RFTN1: variants seen among roughly 807,000 people sequenced by gnomAD.
RFTN1 encodes the protein raftlin, lipid raft linker 1.
Under a neutral mutation model 46.5 loss-of-function variants are expected in RFTN1, and 26 were observed. That is an observed-to-expected ratio of 0.56 (90% CI 0.41 to 0.78). RFTN1 has a LOEUF of 0.78. RFTN1 is among the 30% of genes least tolerant of loss of function. The pLI is 0.00. For missense variants in RFTN1, 693 were observed against 718.7 expected, an observed-to-expected ratio of 0.96 and a Z score of 0.41; for synonymous variants, 261 against 284.2, an observed-to-expected ratio of 0.92 and a Z score of 0.82.
rs2075179980 is a variant in RFTN1 at position 16,421,350 on chromosome 3, T to G, written c.333-11867A>C. 6.6e-6 allele frequency among the ~76,000 whole-genome samples: 1 copy of G among 151,896 alleles called. No homozygotes were observed. Among genetic ancestry groups the G allele is most frequent in the East Asian group, 1.9e-4 (1 of 5,186 alleles). On this transcript the variant is annotated intron_variant, in intron 3 of 9. Transcript: ENST00000334133. The surrounding 1 kb of genome is among the most constrained non-coding windows in gnomAD (Gnocchi z 4.6). ...CAGGTAGGCATTGGTATTGGTGTTT[T>G]TTTTTTTTCTTTTCTTTTTGAGATG...
At position 16,317,782 on chromosome 3, in the gene RFTN1, TTGC is replaced by T; in HGVS notation, c.1333-553_1333-551del. 6.6e-6 allele frequency among the ~76,000 whole-genome samples: 1 copy of T among 152,082 alleles called. No homozygotes were observed. Among genetic ancestry groups the T allele is most frequent in the East Asian group, 1.9e-4 (1 of 5,196 alleles). ...GCTCCCCAGCTAGGCCGATAGCCCT[TTGC>T]TGACCACCACCTCACAGAAGGGTCA... On this transcript the variant is annotated intron_variant, in intron 9 of 9. Transcript: ENST00000334133. The surrounding 1 kb of genome is among the most constrained non-coding windows in gnomAD (Gnocchi z 4.3).
At chr3:16,414,770 C>G (rs568694946) in intron 3 of RFTN1, among the ~76,000 whole-genome samples, 1 of 152,162 alleles carries the variant, frequency 6.6e-6, no homozygotes, top group East Asian at 1.9e-4. Context: ...AGGGACCGGG[C>G]TCATCCAGGG....
rs537626113 is a variant in RFTN1, at chr3:16,494,738, G to C, written c.-8-861C>G. Among the ~76,000 whole-genome samples the C allele has an allele frequency of 1.5e-3, 223 of 152,292 alleles. 1 individual carries two copies. The highest frequency in any genetic ancestry group is 5.2e-3 in the African/African-American group (217 of 41,558). On this transcript the variant is annotated intron_variant, in intron 1 of 9. Coordinates refer to ENST00000334133, the MANE Select transcript of RFTN1 (RefSeq NM_015150.2). Reference sequence around the variant, plus strand: ...TGGGCAGAATGACTTTCACGAAATAGCTTTTCATCCACTCTCCCAACTTCA... The same window carrying C: ...TGGGCAGAATGACTTTCACGAAATACCTTTTCATCCACTCTCCCAACTTCA...
intron 6 of RFTN1, among the ~76,000 whole-genome samples, chr3:16,367,066 C>G (rs2073229729): frequency 6.6e-6 from 1 of 152,240 alleles, no homozygotes; most frequent in African/African-American, 2.4e-5. Flanking sequence ...GTAATTCAGG[C>G]TGAAACATCA....
chr3:16,438,332 C>T (rs6799140), intron 2 of RFTN1, among the ~76,000 whole-genome samples: 27,029 of 151,840 alleles, frequency 0.18, 2,619 homozygotes, highest in East Asian at 0.22. Context: ...CGCTTGTAAT[C>T]GCAGCACTTT....
chr3:16,374,853 G>C lies in RFTN1; in HGVS notation c.826+2865C>G, dbSNP rs1388824725. On this transcript the variant is annotated intron_variant, in intron 5 of 9. Coordinates refer to ENST00000334133, the MANE Select transcript of RFTN1 (RefSeq NM_015150.2). This position sits in a 1 kb window ranked among gnomAD's most constrained non-coding sequence, Gnocchi z 5.4. ...CGAGCAGGAAGAGGAACCCACGGCG[G>C]GCCTCCCCAAGAACCTGCAGGGGCA... is the stretch of plus-strand genomic sequence containing the variant. Among the ~76,000 whole-genome samples, 1 of 152,148 alleles carries C rather than the reference G, an allele frequency of 6.6e-6. No homozygotes were observed. Among genetic ancestry groups the C allele is most frequent in the African/African-American group, 2.4e-5 (1 of 41,426 alleles).
chr3:16,430,632 T>C (rs1420108990), intron 3 of RFTN1, among the ~76,000 whole-genome samples: 1 of 152,206 alleles, frequency 6.6e-6, no homozygotes, highest in African/African-American at 2.4e-5. Context: ...TTTTACATGA[T>C]AAATTATCAA....
intron 6 of RFTN1, among the ~76,000 whole-genome samples, chr3:16,368,110 C>T (rs2073311208): frequency 6.6e-6 from 1 of 151,392 alleles, no homozygotes; most frequent in Non-Finnish European, 1.5e-5. Flanking sequence ...CCAAGATGGG[C>T]AATGTGGTGT....
intron 2 of RFTN1, among the ~76,000 whole-genome samples, chr3:16,482,552 G>C (rs2076384338): frequency 6.6e-6 from 1 of 152,164 alleles, no homozygotes; most frequent in African/African-American, 2.4e-5. Context: ...AATTGAAGAA[G>C]GCAAGTCTGA....
chr3:16,434,639 A>G (rs2075466704), intron 2 of RFTN1: 1 of 151,978 alleles, frequency 6.6e-6, no homozygotes, highest in Non-Finnish European at 1.5e-5. Flanking sequence ...AGTCATTTCC[A>G]CCCTCTAAAA....
chr3:16,485,370 CATACAACAGCAAGGACTCCATAT>C (rs2076432078), intron 2 of RFTN1, among the ~76,000 whole-genome samples: 1 of 151,886 alleles, frequency 6.6e-6, no homozygotes, highest in Non-Finnish European at 1.5e-5. Flanking sequence ...GGACTCCATA[CATACAACAGCAAGGACTCCATAT>C]ATACAACAGC....
chr3:16,468,038 A>C lies in RFTN1; in HGVS notation c.145+25687T>G, dbSNP rs1340977518. Among the ~76,000 whole-genome samples, 1 of 152,204 alleles carries C rather than the reference A, an allele frequency of 6.6e-6. No homozygotes were observed. The highest frequency in any genetic ancestry group is 2.4e-5 in the African/African-American group (1 of 41,436). ...ATCATCATCTTTTCTTCATAAATCAAGTCTGCCAGACTCAAAGACTGGAAC... is the reference window on the plus strand; with the variant it reads ...ATCATCATCTTTTCTTCATAAATCACGTCTGCCAGACTCAAAGACTGGAAC... On this transcript the variant is annotated intron_variant, in intron 2 of 9. Coordinates refer to ENST00000334133, the MANE Select transcript of RFTN1 (RefSeq NM_015150.2). The surrounding 1 kb of genome is among the most constrained non-coding windows in gnomAD (Gnocchi z 4.4).
intron 4 of RFTN1, among the ~76,000 whole-genome samples, chr3:16,393,640 A>C (rs2125407532): frequency 6.6e-6 from 1 of 150,428 alleles, no homozygotes; most frequent in Admixed American, 6.7e-5. Flanking sequence ...TTATTGAAAT[A>C]AGCTGATGGA....
At chr3:16,491,649 G>A (rs1013624521) in intron 2 of RFTN1, among the ~76,000 whole-genome samples, 2 of 149,934 alleles carry the variant, frequency 1.3e-5, no homozygotes, top group East Asian at 1.9e-4. Context: ...ATGAAGCAGT[G>A]GGGGGACAAA....
intron 6 of RFTN1, among the ~76,000 whole-genome samples, chr3:16,360,255 T>C (rs1452585168): frequency 1.3e-5 from 2 of 152,008 alleles, no homozygotes; most frequent in Non-Finnish European, 2.9e-5. Flanking sequence ...CACTGCAGCC[T>C]CAACCTCCTG....
intron 1 of RFTN1, among the ~76,000 whole-genome samples, chr3:16,501,134 T>A (rs1259943427): frequency 6.6e-6 from 1 of 152,120 alleles, no homozygotes; most frequent in Non-Finnish European, 1.5e-5. Context: ...AAGACTTGTC[T>A]GTAACAAAAC....
chr3:16,332,420 T>C (rs1343922024), intron 7 of RFTN1, among the ~76,000 whole-genome samples: 7 of 116,638 alleles, frequency 6.0e-5, no homozygotes, highest in Admixed American at 1.6e-4. Context: ...ATTGCTTCTT[T>C]TTTTTTTTTA....
rs1202195526 is a variant in RFTN1, at chr3:16,500,363, A to C, written c.-8-6486T>G. Among the ~76,000 whole-genome samples, 1 of 152,160 alleles carries C rather than the reference A, an allele frequency of 6.6e-6. No individual in the cohort carries two copies. The highest frequency in any genetic ancestry group is 1.5e-5 in the Non-Finnish European group (1 of 68,032). On this transcript the variant is annotated intron_variant, in intron 1 of 9. Transcript: ENST00000334133. The surrounding 1 kb of genome is among the most constrained non-coding windows in gnomAD (Gnocchi z 5.9). The stretch of plus-strand genomic sequence containing the variant: ...TTGTTTTCTCAGCAGACATCCCTGA[A>C]ACTATGTGTATGGGTCTCCCGAGCA...
intron 3 of RFTN1, among the ~76,000 whole-genome samples, chr3:16,430,860 C>T (rs1393713866): frequency 6.6e-6 from 1 of 152,202 alleles, no homozygotes; most frequent in African/African-American, 2.4e-5. Flanking sequence ...TCATTCCTCT[C>T]AACAGTTTGC....
Sources: gnomAD v4.1 joint callset for allele counts (sites outside exome capture counted in the v4.1 genomes callset) on GRCh38, gnomAD v4.1.1 for gene constraint, Gnocchi (gnomAD v3.1) non-coding constraint, MANE v1.5 for transcripts, NCBI Gene and HGNC (gene_info 2026-07-23, HGNC 2026-07-21) for gene names.